SLC25A48: variants seen among roughly 807,000 people sequenced by gnomAD.
SLC25A48 encodes the protein solute carrier family 25 member 48, also known as CTC-321K16.1.
A neutral mutation model predicts 32.2 loss-of-function variants in SLC25A48; 29 were observed. That is an observed-to-expected ratio of 0.90 (90% CI 0.67 to 1.23). SLC25A48 has a LOEUF of 1.23. Ranked by LOEUF, SLC25A48 falls within the 50% of genes most tolerant of loss-of-function variation. The probability of loss-of-function intolerance (pLI) is 0.00; values close to 1 mark genes in which losing one functional copy is unlikely to be tolerated. For missense variants in SLC25A48, 399 were observed against 422.7 expected (o/e 0.94, Z 0.49); for synonymous variants, 164 against 172.3 (o/e 0.95, Z 0.38).
At chr5:135,688,320 T>C (rs1034649347) in intron 3 of SLC25A48, among the ~76,000 whole-genome samples, 7 of 152,216 alleles carry the variant, frequency 4.6e-5, no homozygotes, top group African/African-American at 1.7e-4. Context: ...CAGGCTTTTT[T>C]TTTTAACAGC....
intron 1 of SLC25A48, among the ~76,000 whole-genome samples, chr5:135,624,096 G>A (rs965412117): frequency 1.3e-4 from 20 of 152,186 alleles, no homozygotes; most frequent in African/African-American, 4.3e-4. Flanking sequence ...ACAAAGCCTG[G>A]TTTGCCTTTC....
chr5:135,685,840 T>C (rs1754010979), intron 3 of SLC25A48, among the ~76,000 whole-genome samples: 1 of 152,264 alleles, frequency 6.6e-6, no homozygotes, highest in Admixed American at 6.5e-5. Flanking sequence ...TTGCAGCTGT[T>C]CTGCCTTCAG....
intron 7 of SLC25A48, among the ~76,000 whole-genome samples, chr5:135,882,834 T>A (rs1271949515): frequency 1.3e-5 from 2 of 152,200 alleles, no homozygotes; most frequent in African/African-American, 4.8e-5. Context: ...ACTAGCCTAC[T>A]TTCGGTTTCA....
At position 135,778,110 on chromosome 5, in the gene SLC25A48, T is replaced by G. The variant is rs151056193; in HGVS notation, c.-520-34413T>G. Among the ~76,000 whole-genome samples the G allele has an allele frequency of 5.1e-3, 769 of 151,716 alleles. 7 individuals are homozygous for G. The highest frequency in any genetic ancestry group is 0.018 in the African/African-American group (730 of 41,262). On this transcript the variant is annotated intron_variant, in intron 3 of 10. Coordinates refer to the SLC25A48 transcript ENST00000646290. ...TAATATTTAGGAAAAAAGAGGATAA[T>G]ATTACTCCCAATATAGCAGGGGGTG... is the stretch of plus-strand genomic sequence containing the variant.
intron 3 of SLC25A48, among the ~76,000 whole-genome samples, chr5:135,805,852 G>A (rs1277734472): frequency 6.6e-6 from 1 of 151,564 alleles, no homozygotes; most frequent in Non-Finnish European, 1.5e-5. Context: ...TAATATCCCT[G>A]TGGGTGTATA....
chr5:135,847,958 A>G (rs79934955), intron 2 of SLC25A48, among the ~76,000 whole-genome samples: 159 of 152,314 alleles, frequency 1.0e-3, no homozygotes, highest in African/African-American at 3.7e-3. Context: ...GTAAGATGGG[A>G]CCAGTATCCG....
chr5:135,868,677 TACAC>T lies in SLC25A48; in HGVS notation c.422-2762_422-2759del, dbSNP rs34148471. ...CTATGTGTATACACACACACACACA[TACAC>T]ACACACACACACACACACACATTCC... is the stretch of plus-strand genomic sequence containing the variant. On this transcript the variant is annotated intron_variant, in intron 4 of 7. Coordinates refer to ENST00000681962, the MANE Select transcript of SLC25A48 (RefSeq NM_001349336.2). Among the ~76,000 whole-genome samples the T allele has an allele frequency of 9.2e-3, 1,377 of 149,126 alleles. 6 individuals are homozygous for T. The highest frequency in any genetic ancestry group is 0.014 in the Non-Finnish European group (930 of 67,224).
intron 3 of SLC25A48, among the ~76,000 whole-genome samples, chr5:135,807,065 T>A (rs1757479546): frequency 6.6e-6 from 1 of 150,648 alleles, no homozygotes. Flanking sequence ...AAATATCAAA[T>A]ATTTTATTAA....
chr5:135,807,087 G>T (rs938132365), intron 3 of SLC25A48, among the ~76,000 whole-genome samples: 2 of 150,078 alleles, frequency 1.3e-5, no homozygotes, highest in African/African-American at 4.9e-5. Flanking sequence ...ATCATAGTGG[G>T]TTTAACACTG....
chr5:135,671,485 G>A (rs1753652997), intron 3 of SLC25A48, among the ~76,000 whole-genome samples: 1 of 152,160 alleles, frequency 6.6e-6, no homozygotes, highest in Non-Finnish European at 1.5e-5. Flanking sequence ...TTGTCTTCCT[G>A]AAGAAACCCA....
intron 3 of SLC25A48, among the ~76,000 whole-genome samples, chr5:135,717,272 A>C: frequency 1.3e-5 from 2 of 152,180 alleles, no homozygotes; most frequent in East Asian, 3.9e-4. Context: ...CACAGACAGC[A>C]CATTGCCTAC....
chr5:135,710,005 G>A (rs1016115776), intron 3 of SLC25A48, among the ~76,000 whole-genome samples: 3 of 152,172 alleles, frequency 2.0e-5, no homozygotes, highest in African/African-American at 7.2e-5. Flanking sequence ...TCACTGTAAA[G>A]CTCACAACAT....
intron 3 of SLC25A48, among the ~76,000 whole-genome samples, chr5:135,700,371 CA>C (rs34125451): frequency 1.0e-3 from 71 of 67,970 alleles, no homozygotes; most frequent in East Asian, 3.4e-3. Context: ...GACTCTGTCT[CA>C]AAAAAAAAAA....
At chr5:135,856,350 G>A (rs1760316547) in intron 4 of SLC25A48, among the ~76,000 whole-genome samples, 1 of 152,140 alleles carries the variant, frequency 6.6e-6, no homozygotes, top group Non-Finnish European at 1.5e-5. Flanking sequence ...CCTCTCCCTG[G>A]CAGCCTTCTG....
At chr5:135,664,683 T>C (rs1393421444) in intron 3 of SLC25A48, among the ~76,000 whole-genome samples, 2 of 152,112 alleles carry the variant, frequency 1.3e-5, no homozygotes, top group Non-Finnish European at 2.9e-5. Flanking sequence ...ACACAGTATT[T>C]AATTTTCCAT....
At chr5:135,880,271 C>A in intron 7 of SLC25A48, 174 bp downstream of exon 7, 1 of 940,570 alleles carries the variant, frequency 1.1e-6, no homozygotes, top group Non-Finnish European at 1.5e-6. Context: ...TTCAGAAATG[C>A]CCACCAGTGA....
intron 7 of SLC25A48, 128 bp downstream of exon 7, chr5:135,880,225 G>T: frequency 6.1e-6 from 8 of 1,316,358 alleles, no homozygotes; most frequent in Non-Finnish European, 8.1e-6. Context: ...TCTGTGGTAG[G>T]CTGGGGCTGC....
At chr5:135,776,274 G>A (rs1000025653) in intron 3 of SLC25A48, among the ~76,000 whole-genome samples, 7 of 81,388 alleles carry the variant, frequency 8.6e-5, no homozygotes, top group African/African-American at 3.7e-4. Flanking sequence ...TCTGGGGGGT[G>A]GGGGGCAGAG....
At chr5:135,688,965 C>A (rs541611310) in intron 3 of SLC25A48, among the ~76,000 whole-genome samples, 3 of 152,186 alleles carry the variant, frequency 2.0e-5, no homozygotes, top group Non-Finnish European at 4.4e-5. Flanking sequence ...TGAGTGCATC[C>A]TCACAACAGT....
Sources: gnomAD v4.1 joint callset for allele counts (sites outside exome capture counted in the v4.1 genomes callset) on GRCh38, gnomAD v4.1.1 for gene constraint, MANE v1.5 for transcripts, NCBI Gene and HGNC (gene_info 2026-07-23, HGNC 2026-07-21) for gene names.